Variants in ATXN3 observed in about 807,000 individuals in gnomAD.
ATXN3 encodes the protein ataxin 3, also known as ataxin-3.
In ATXN3, 28 loss-of-function variants were observed where a neutral mutation model predicts 58.2. That is an observed-to-expected ratio of 0.48 (90% CI 0.36 to 0.66). The LOEUF is 0.66. ATXN3 is among the 30% of genes least tolerant of loss of function. ATXN3 has a pLI of 0.00. For synonymous variants in ATXN3, 113 were observed against 138.5 expected, an observed-to-expected ratio of 0.82 and a Z score of 1.29; for missense variants, 321 against 422.1, an observed-to-expected ratio of 0.76 and a Z score of 2.10.
chr14:92,082,023 C>T (rs1165014335), intron 8 of ATXN3, among the ~76,000 whole-genome samples: 1 of 152,138 alleles, frequency 6.6e-6, no homozygotes, highest in Non-Finnish European at 1.5e-5. Flanking sequence ...TCAACTGATA[C>T]CCACAAAGAT....
At chr14:92,058,212 CA>C (rs1167154567), downstream of ATXN3, 4 of 152,232 alleles carry the variant, frequency 2.6e-5, no homozygotes, top group Non-Finnish European at 4.4e-5. Context: ...CAGCGCTTCT[CA>C]AGCTTCACTC....
chr14:92,097,513 G>A (rs1233460410), intron 1 of ATXN3, among the ~76,000 whole-genome samples: 1 of 149,126 alleles, frequency 6.7e-6, no homozygotes, highest in Non-Finnish European at 1.5e-5. Flanking sequence ...GGTGTGAGCC[G>A]CCACACCTGG....
At chr14:92,098,993 C>T (rs575592315) in intron 1 of ATXN3, among the ~76,000 whole-genome samples, 14 of 152,144 alleles carry the variant, frequency 9.2e-5, no homozygotes, top group Admixed American at 1.3e-4. Context: ...CCCTCCTCCC[C>T]GCAACAGTGT....
intron 7 of ATXN3, 36 bp from the exon 8 acceptor site, chr14:92,082,502 A>C: frequency 6.4e-7 from 1 of 1,564,908 alleles, no homozygotes; most frequent in Non-Finnish European, 8.7e-7. Context: ...ACTGCAACCA[A>C]TCTTCTATTT....
At chr14:92,096,632 A>G in intron 2 of ATXN3, 42 bp downstream of exon 2, 2 of 1,570,696 alleles carry the variant, frequency 1.3e-6, no homozygotes, top group Non-Finnish European at 1.7e-6. Context: ...TCAAAAAAAA[A>G]AAAAAAAAAG....
chr14:92,090,743 T>G (rs1266221842), intron 5 of ATXN3, among the ~76,000 whole-genome samples: 2 of 152,156 alleles, frequency 1.3e-5, no homozygotes, highest in Non-Finnish European at 2.9e-5. Context: ...CTCAAAATAA[T>G]AAGATAGACA....
chr14:92,061,716 A>C lies in ATXN3; in HGVS notation c.*2604T>G, dbSNP rs1193623133. Reference sequence around the variant, plus strand: ...GGTTTACAGTAAATGGCAGTACCTGATGTATAAACTATAGCTTTGAATAAT... The same window carrying C: ...GGTTTACAGTAAATGGCAGTACCTGCTGTATAAACTATAGCTTTGAATAAT... On this transcript the variant is annotated 3_prime_UTR_variant, in exon 11 of 11. Transcript: ENST00000644486. 3 of 152,234 alleles carry C rather than the reference A, an allele frequency of 2.0e-5. No homozygotes were observed. The East Asian group carries it at 5.8e-4, about 29-fold the overall frequency. The allele number at this position is 152,234 out of a possible 1,614,324, so 9.4% of individuals were successfully genotyped here. A position where few individuals can be genotyped will look rare whatever the true frequency, so the allele number is the denominator to read the frequency against.
intron 8 of ATXN3, among the ~76,000 whole-genome samples, 192 bp downstream of exon 8, chr14:92,082,108 C>T (rs2061574469): frequency 6.6e-6 from 1 of 152,198 alleles, no homozygotes; most frequent in Non-Finnish European, 1.5e-5. Flanking sequence ...AATATAACTA[C>T]TCCTAATAAA....
rs1041928634 is a variant in ATXN3, at chr14:92,061,546, A to C, written c.*2774T>G. ...GTACATACTTGATCCCAGTAATACA[A>C]ATTATACATTAGAAAAATGATACCA... On this transcript the variant is annotated 3_prime_UTR_variant, in exon 11 of 11. Transcript: ENST00000644486. 7 of 152,192 alleles carry C rather than the reference A, an allele frequency of 4.6e-5. No homozygotes were observed. Among genetic ancestry groups the C allele is most frequent in the Non-Finnish European group, 1.5e-5 (1 of 68,016 alleles). The allele number at this position is 152,192 out of a possible 1,614,324, so 9.4% of individuals were successfully genotyped here.
At chr14:92,094,469 C>T (rs1007887031) in intron 3 of ATXN3, among the ~76,000 whole-genome samples, 7 of 152,138 alleles carry the variant, frequency 4.6e-5, no homozygotes, top group African/African-American at 1.4e-4. Context: ...GCTGTGGGTG[C>T]TACTTTAGAA....
intron 1 of ATXN3, among the ~76,000 whole-genome samples, chr14:92,101,283 AT>A (rs2066714610): frequency 6.6e-6 from 1 of 152,202 alleles, no homozygotes; most frequent in Non-Finnish European, 1.5e-5. Flanking sequence ...CGGAGCTAAG[AT>A]TGTGCCACTG....
intron 10 of ATXN3, 169 bp downstream of exon 10, chr14:92,070,766 G>GTAAAT: frequency 9.7e-7 from 1 of 1,029,624 alleles, no homozygotes. Context: ...TTTTTCTTTT[G>GTAAAT]GTAACTGCTC....
At chr14:92,070,569 A>C (rs1478436616) in intron 10 of ATXN3, among the ~76,000 whole-genome samples, 2 of 152,178 alleles carry the variant, frequency 1.3e-5, no homozygotes, top group Non-Finnish European at 2.9e-5. Context: ...ACAGAGCAAG[A>C]CTCCATCTCA....
chr14:92,047,334 G>A (rs549131371), intron 2 of ATXN3, among the ~76,000 whole-genome samples: 21 of 152,340 alleles, frequency 1.4e-4, no homozygotes, highest in African/African-American at 4.1e-4. Flanking sequence ...AGACTTGTCC[G>A]GTTTTTGAAC....
At chr14:92,073,458 C>A (rs549894981) in intron 9 of ATXN3, 1 of 152,376 alleles carries the variant, frequency 6.6e-6, no homozygotes, top group African/African-American at 2.4e-5. Context: ...GTAATCCCAG[C>A]ACTTTGGGAG....
chr14:92,060,826 G>C lies in ATXN3; in HGVS notation c.*3494C>G, dbSNP rs1420130153. 1 of 151,344 alleles carries C rather than the reference G, an allele frequency of 6.6e-6. No individual in the cohort carries two copies. The highest frequency in any genetic ancestry group is 3.4e-3 in the Middle Eastern group (1 of 292). The allele number at this position is 151,344 out of a possible 1,614,324, so 9.4% of individuals were successfully genotyped here. On this transcript the variant is annotated 3_prime_UTR_variant, in exon 11 of 11. Coordinates refer to ENST00000644486, the MANE Select transcript of ATXN3 (RefSeq NM_004993.6). ...TGGCTCACTGCATCCTCTGTCGCCAGGGTTCAAGCAATTCTCCTGCCTCAG... is the reference window on the plus strand; with the variant it reads ...TGGCTCACTGCATCCTCTGTCGCCACGGTTCAAGCAATTCTCCTGCCTCAG...
chr14:92,079,769 C>G (rs1595719560), intron 9 of ATXN3, among the ~76,000 whole-genome samples: 1 of 152,192 alleles, frequency 6.6e-6, no homozygotes, highest in East Asian at 1.9e-4. Context: ...CGAAGTCTCG[C>G]TCTTGTCCCC....
At chr14:92,052,180 C>T (rs1387543686), upstream of ATXN3, among the ~76,000 whole-genome samples, 2 of 152,042 alleles carry the variant, frequency 1.3e-5, no homozygotes, top group African/African-American at 2.4e-5. Flanking sequence ...AACTTGTCAT[C>T]CTCCAAAAAA....
upstream of ATXN3, chr14:92,050,482 G>T (rs1423441849): frequency 6.6e-6 from 1 of 152,358 alleles, no homozygotes; most frequent in Non-Finnish European, 1.5e-5. Context: ...CAGAGCCTGT[G>T]AACCTCAGTG....
Sources: allele counts gnomAD v4.1 joint callset (sites outside exome capture counted in the v4.1 genomes callset), GRCh38; gene constraint gnomAD v4.1.1; transcripts MANE v1.5; gene names NCBI Gene and HGNC (gene_info 2026-07-23, HGNC 2026-07-21).